Variants in ARHGAP24 observed in about 807,000 individuals in gnomAD.
ARHGAP24 encodes rho GTPase-activating protein 24.
In ARHGAP24, 50 loss-of-function variants were observed where a neutral mutation model predicts 76.4. That is an observed-to-expected ratio of 0.65 (90% CI 0.52 to 0.83). The LOEUF (loss-of-function observed/expected upper bound fraction) is 0.83, where lower values mean the gene tolerates loss of function less well. Ranked by LOEUF, ARHGAP24 falls within the 40% of genes least tolerant of loss-of-function variation. ARHGAP24 has a pLI of 0.00. For synonymous variants in ARHGAP24, 345 were observed against 323.3 expected (o/e 1.07, Z -0.72); for missense variants, 930 against 914.2 (o/e 1.02, Z -0.22).
At chr4:85,630,684 G>A (rs1272997600) in intron 2 of ARHGAP24, among the ~76,000 whole-genome samples, 1 of 151,882 alleles carries the variant, frequency 6.6e-6, no homozygotes, top group Non-Finnish European at 1.5e-5. Context: ...AATCATATGA[G>A]TATCTTTTTC....
intron 2 of ARHGAP24, among the ~76,000 whole-genome samples, chr4:85,712,135 A>G (rs1285838624): frequency 6.6e-6 from 1 of 152,182 alleles, no homozygotes; most frequent in African/African-American, 2.4e-5. Flanking sequence ...TTGTAAAATG[A>G]CATTTAGTAA....
intron 2 of ARHGAP24, among the ~76,000 whole-genome samples, chr4:85,694,182 T>A (rs952499461): frequency 2.0e-5 from 3 of 152,174 alleles, no homozygotes; most frequent in African/African-American, 7.2e-5. Flanking sequence ...TTGGTCTTTC[T>A]TGGTGGGAGC....
At chr4:85,480,147 C>A (rs888162197) in intron 1 of ARHGAP24, among the ~76,000 whole-genome samples, 1 of 152,084 alleles carries the variant, frequency 6.6e-6, no homozygotes, top group African/African-American at 2.4e-5. Context: ...TGATACCCCC[C>A]CTTTTTAACT....
chr4:85,495,300 G>A (rs1176510240), intron 1 of ARHGAP24, among the ~76,000 whole-genome samples: 1 of 150,530 alleles, frequency 6.6e-6, no homozygotes, highest in African/African-American at 2.4e-5. Flanking sequence ...AAGCTGAAAA[G>A]GGGAGAAGTA....
intron 3 of ARHGAP24, among the ~76,000 whole-genome samples, chr4:85,766,121 C>G (rs1211134569): frequency 1.3e-5 from 2 of 151,994 alleles, no homozygotes; most frequent in African/African-American, 4.8e-5. Context: ...ATTTAGAGCC[C>G]GGGGAGGAAA....
intron 1 of ARHGAP24, among the ~76,000 whole-genome samples, chr4:85,515,755 A>G (rs1046373607): frequency 5.9e-5 from 9 of 152,094 alleles, no homozygotes; most frequent in Admixed American, 1.3e-4. Context: ...ATTAATCATG[A>G]ACATATGTTG....
intron 2 of ARHGAP24, among the ~76,000 whole-genome samples, chr4:85,661,339 CT>C (rs1363888151): frequency 6.6e-6 from 1 of 152,138 alleles, no homozygotes; most frequent in Non-Finnish European, 1.5e-5. Context: ...TCTGGTTTAT[CT>C]TTTTCTCTGA....
intron 2 of ARHGAP24, among the ~76,000 whole-genome samples, chr4:85,620,376 T>C (rs1196602344): frequency 6.6e-6 from 1 of 152,084 alleles, no homozygotes; most frequent in Non-Finnish European, 1.5e-5. Context: ...TGATTCAGTC[T>C]TGATAGGTTG....
intron 6 of ARHGAP24, 108 bp downstream of exon 6, chr4:85,972,276 A>G (rs1739032311): frequency 6.9e-7 from 1 of 1,449,900 alleles, no homozygotes. Flanking sequence ...GTTACTCTCC[A>G]CTATCCTTTG....
At chr4:85,599,064 C>T (rs1354731174) in intron 2 of ARHGAP24, among the ~76,000 whole-genome samples, 2 of 152,050 alleles carry the variant, frequency 1.3e-5, no homozygotes, top group Non-Finnish European at 2.9e-5. Context: ...ATTCAACGAG[C>T]CACATTTCAC....
chr4:85,825,127 G>T (rs1729653004), intron 3 of ARHGAP24, among the ~76,000 whole-genome samples: 1 of 151,856 alleles, frequency 6.6e-6, no homozygotes, highest in South Asian at 2.1e-4. Flanking sequence ...AAAAAGAAAA[G>T]AAAAGAAAAG....
intron 3 of ARHGAP24, among the ~76,000 whole-genome samples, chr4:85,794,194 G>A (rs992081963): frequency 6.6e-6 from 1 of 152,108 alleles, no homozygotes; most frequent in Non-Finnish European, 1.5e-5. Context: ...CTATTTGTAA[G>A]AGTAGTTTCC....
intron 3 of ARHGAP24, among the ~76,000 whole-genome samples, chr4:85,885,922 G>A (rs919041057): frequency 1.3e-5 from 2 of 152,014 alleles, no homozygotes; most frequent in Non-Finnish European, 2.9e-5. Context: ...CCTAGAATAG[G>A]AATCCCGCAC....
At chr4:85,551,941 T>C (rs1006938752) in intron 1 of ARHGAP24, among the ~76,000 whole-genome samples, 2 of 152,158 alleles carry the variant, frequency 1.3e-5, no homozygotes, top group Admixed American at 1.3e-4. Flanking sequence ...TAGCTAATGG[T>C]CTACCTTATT....
chr4:85,509,438 G>T (rs572545325), intron 1 of ARHGAP24, among the ~76,000 whole-genome samples: 12 of 151,904 alleles, frequency 7.9e-5, no homozygotes, highest in African/African-American at 2.9e-4. Flanking sequence ...AAGGAAAAGC[G>T]ATGGCTAGAT....
intron 2 of ARHGAP24, among the ~76,000 whole-genome samples, chr4:85,644,428 A>G (rs1721643484): frequency 6.6e-6 from 1 of 152,194 alleles, no homozygotes; most frequent in Non-Finnish European, 1.5e-5. Flanking sequence ...ACAAAAGAGT[A>G]ATACCATATT....
At chr4:85,560,913 A>G (rs1726570350) in intron 1 of ARHGAP24, among the ~76,000 whole-genome samples, 1 of 152,204 alleles carries the variant, frequency 6.6e-6, no homozygotes, top group Non-Finnish European at 1.5e-5. Flanking sequence ...ATTTTTGTAC[A>G]GTACTCAGGA....
chr4:85,518,993 C>T (rs547048976), intron 1 of ARHGAP24, among the ~76,000 whole-genome samples: 2 of 152,114 alleles, frequency 1.3e-5, no homozygotes, highest in African/African-American at 2.4e-5. Context: ...GCAGTGTAGA[C>T]GTGTTCCCTG....
intron 3 of ARHGAP24, among the ~76,000 whole-genome samples, chr4:85,911,974 T>A (rs1195012847): frequency 6.6e-6 from 1 of 152,134 alleles, no homozygotes; most frequent in Non-Finnish European, 1.5e-5. Context: ...TTTTGTAGGG[T>A]CTTAAAATTA....
Sources: gnomAD v4.1 joint callset for allele counts (sites outside exome capture counted in the v4.1 genomes callset) on GRCh38, gnomAD v4.1.1 for gene constraint, MANE v1.5 for transcripts, NCBI Gene and HGNC (gene_info 2026-07-23, HGNC 2026-07-21) for gene names.